The following RTN3 variants were observed in gnomAD, a reference collection of about 807,000 sequenced individuals.
RTN3 encodes the protein reticulon-3.
RTN3 carries 49 observed loss-of-function variants against 77.8 expected under a neutral mutation model. The observed-to-expected ratio is 0.63, with a 90% CI of 0.50 to 0.80. The LOEUF is 0.80. Among genes scored for constraint, RTN3 ranks in the 30% least tolerant of loss-of-function variants. The pLI, the probability that RTN3 is intolerant of heterozygous loss-of-function variation, is 0.00. For synonymous variants in RTN3, 464 were observed against 446.9 expected (o/e 1.04, Z -0.48); for missense variants, 1,236 against 1,211.9 (o/e 1.02, Z -0.29).
intron 3 of RTN3, among the ~76,000 whole-genome samples, chr11:63,731,226 G>A (rs2012668778): frequency 6.6e-6 from 1 of 151,940 alleles, no homozygotes; most frequent in Non-Finnish European, 1.5e-5. Flanking sequence ...GATCACAGGC[G>A]CGTACCACCA....
At chr11:63,693,276 G>A (rs1165680989) in intron 1 of RTN3, among the ~76,000 whole-genome samples, 1 of 152,178 alleles carries the variant, frequency 6.6e-6, no homozygotes, top group Admixed American at 6.6e-5. Context: ...CTGAGGTCAG[G>A]AGTTCGAGAC....
At chr11:63,703,447 T>C (rs1450165492) in intron 1 of RTN3, among the ~76,000 whole-genome samples, 1 of 152,218 alleles carries the variant, frequency 6.6e-6, no homozygotes, top group Non-Finnish European at 1.5e-5. Flanking sequence ...CCTCCAGTTT[T>C]AGTATATGTG....
rs201846404 is a variant in RTN3, at chr11:63,719,096, A to T, written c.594A>T (p.Ala198=). The stretch of plus-strand genomic sequence containing the variant: ...TATCAAGTAGGGAGGCTAAAACTGC[A>T]TTGGATGCTGATGACAGATTCACTT... The part of the protein sequence containing the change: ...NGVSSREAKT[A]LDADDRFTLL... Residue 198 remains alanine, a synonymous_variant, in exon 3 of 9, where the codon GCA becomes GCT. Transcript: ENST00000377819. 3 of 1,614,100 alleles carry T rather than the reference A, an allele frequency of 1.9e-6. No homozygotes were observed. The East Asian group carries it at 6.7e-5, about 36-fold the overall frequency.
chr11:63,747,194 G>C (rs1192279320), intron 3 of RTN3, among the ~76,000 whole-genome samples: 5 of 152,184 alleles, frequency 3.3e-5, no homozygotes, highest in African/African-American at 1.2e-4. Context: ...CTTTCTCAGT[G>C]CATGCACTAT....
chr11:63,681,478 G>T (rs925116678), upstream of RTN3: 11 of 727,242 alleles, frequency 1.5e-5, no homozygotes, highest in Admixed American at 1.2e-4. Context: ...CCGCCCTCTA[G>T]CTGCGCTCGG....
rs61663789 is a variant in RTN3, at chr11:63,684,129, GTTTTTTTTT to G, written c.142+2368_142+2376del. On this transcript the variant is annotated intron_variant, in intron 1 of 8. Coordinates refer to ENST00000377819, the MANE Select transcript of RTN3 (RefSeq NM_001265589.2). The stretch of plus-strand genomic sequence containing the variant: ...ACCACGCGTGGTTAATTTTCTTTTG[GTTTTTTTTT>G]TTTTTTTTTTTTTTTTGGTTTTTTT... 5.4e-4 allele frequency among the ~76,000 whole-genome samples: 46 copies of G among 85,272 alleles called. 1 individual carries two copies. Among genetic ancestry groups the G allele is most frequent in the East Asian group, 1.4e-3 (5 of 3,484 alleles). The allele number at this position is 85,272 out of a possible 152,430, so 55.9% of individuals were successfully genotyped here. A position where few individuals can be genotyped will look rare whatever the true frequency, so the allele number is the denominator to read the frequency against.
intron 3 of RTN3, among the ~76,000 whole-genome samples, chr11:63,728,886 C>CAAAAAAAAA (rs577443067): frequency 1.3e-5 from 1 of 78,680 alleles, no homozygotes; most frequent in Non-Finnish European, 2.6e-5. Context: ...GACTCCGTCT[C>CAAAAAAAAA]AAAAAAAAAA....
Position 63,719,710 on chromosome 11 carries a change from G to C in RTN3, c.1208G>C (p.Gly403Ala), listed in dbSNP as rs1250232213. 6.2e-7 allele frequency: 1 copy of C among 1,614,092 alleles called. No homozygotes were observed. Among genetic ancestry groups the C allele is most frequent in the South Asian group, 1.1e-5 (1 of 91,068 alleles). Residue 403 changes from glycine (G) to alanine (A), a missense_variant, in exon 3 of 9, where the codon GGT (glycine) becomes GCT (alanine). Transcript: ENST00000377819. ...DGSTPITKST[G>A]DWAEASLQQE... ...AGCACTCCCATCACTAAATCAACAG[G>C]TGATTGGGCAGAAGCATCTCTCCAG...
At chr11:63,699,573 C>G (rs1050892580) in intron 1 of RTN3, among the ~76,000 whole-genome samples, 1 of 152,196 alleles carries the variant, frequency 6.6e-6, no homozygotes, top group Admixed American at 6.5e-5. Flanking sequence ...TTGTCACACC[C>G]TTACTTAAAA....
intron 2 of RTN3, among the ~76,000 whole-genome samples, chr11:63,711,696 C>T (rs2134767317): frequency 6.6e-6 from 1 of 152,302 alleles, no homozygotes; most frequent in Admixed American, 6.5e-5. Flanking sequence ...TCCTGAGTAG[C>T]TGGAATTACA....
At chr11:63,727,483 GAGTC>G (rs1170204985) in intron 3 of RTN3, among the ~76,000 whole-genome samples, 1 of 122,028 alleles carries the variant, frequency 8.2e-6, no homozygotes, top group Non-Finnish European at 2.0e-5. Context: ...AAACAAAAAA[GAGTC>G]AGGTGGGGAT....
intron 2 of RTN3, among the ~76,000 whole-genome samples, chr11:63,710,411 T>C (rs1942694871): frequency 6.6e-6 from 1 of 152,148 alleles, no homozygotes; most frequent in African/African-American, 2.4e-5. Flanking sequence ...TAAAATACTC[T>C]AGGCATAAAA....
chr11:63,714,039 G>A (rs754271628), intron 2 of RTN3: 9 of 518,546 alleles, frequency 1.7e-5, no homozygotes, highest in Middle Eastern at 3.2e-4. Context: ...TTTGCTTATC[G>A]GAGCTGTTCT....
Position 63,681,751 on chromosome 11 carries a change from A to T in RTN3, c.115A>T (p.Thr39Ser). The change falls in exon 1 of 9, where the codon ACG becomes TCG. Residue 39 changes from threonine (T) to serine (S), a missense_variant. Transcript: ENST00000377819. Reference protein sequence around the residue: ...GSPGACPALGTKSCSSSCADS... With the variant: ...GSPGACPALGSKSCSSSCADS... ...CCCAGGAGCCTGCCCCGCCCTGGGG[A>T]CGAAGAGCTGCAGCTCCTCCTGTGC... The T allele has an allele frequency of 1.2e-6, 2 of 1,603,546 alleles. No homozygotes were observed. Among genetic ancestry groups the T allele is most frequent in the Non-Finnish European group, 1.7e-6 (2 of 1,177,088 alleles).
In RTN3 at chr11:63,721,009, C is replaced by T; in HGVS notation, c.2507C>T (p.Ala836Val). 6.2e-7 allele frequency: 1 copy of T among 1,602,100 alleles called. No homozygotes were observed. The highest frequency in any genetic ancestry group is 8.5e-7 in the Non-Finnish European group (1 of 1,172,462). The change falls in exon 3 of 9, where the codon GCA (alanine) becomes GTA (valine). Residue 836 changes from alanine (A) to valine (V), a missense_variant. Around this residue, in one of 3 missense-constraint regions of RTN3, gnomAD observed 1,056 missense variants for 990.4 expected, o/e 1.07. Coordinates refer to ENST00000377819, the MANE Select transcript of RTN3 (RefSeq NM_001265589.2). Reference sequence around the variant, plus strand: ...GAATTGGTAAAAAAGCATGTCCTAGCAAGACTTCTGACAGACTTCTCAGGT... The same window carrying T: ...GAATTGGTAAAAAAGCATGTCCTAGTAAGACTTCTGACAGACTTCTCAGGT... ...KTELVKKHVL[A>V]RLLTDFSVHD...
chr11:63,694,103 A>G (rs1590785853), intron 1 of RTN3, among the ~76,000 whole-genome samples: 1 of 152,182 alleles, frequency 6.6e-6, no homozygotes. Flanking sequence ...GCAACAGAAG[A>G]CAGAAGACCC....
At chr11:63,704,814 A>T in intron 1 of RTN3, 37 bp from the exon 2 acceptor site, 2 of 1,435,586 alleles carry the variant, frequency 1.4e-6, no homozygotes, top group East Asian at 2.3e-5. Context: ...TTCCTGTGTG[A>T]GGTTGTCATA....
At chr11:63,705,920 A>G (rs1942472676) in intron 2 of RTN3, among the ~76,000 whole-genome samples, 1 of 152,220 alleles carries the variant, frequency 6.6e-6, no homozygotes, top group South Asian at 2.1e-4. Flanking sequence ...GTATTATTTC[A>G]TTCGTGCTGT....
At chr11:63,745,528 A>G (rs564269070) in intron 3 of RTN3, among the ~76,000 whole-genome samples, 1 of 152,280 alleles carries the variant, frequency 6.6e-6, no homozygotes, top group Admixed American at 6.5e-5. Flanking sequence ...GTTGGGGAGG[A>G]GCATTCCAGA....
Sources: gnomAD v4.1 joint callset for allele counts (sites outside exome capture counted in the v4.1 genomes callset) on GRCh38, gnomAD v4.1.1 for gene constraint, gnomAD v4.1.1 regional missense constraint, MANE v1.5 for transcripts, NCBI Gene and HGNC (gene_info 2026-07-23, HGNC 2026-07-21) for gene names.